The following PCDHA9 variants were observed in gnomAD, a reference collection of about 807,000 sequenced individuals.
PCDHA9 encodes protocadherin alpha-9.
PCDHA9 carries 62 observed loss-of-function variants against 62.0 expected under a neutral mutation model. That is an observed-to-expected ratio of 1.00 (90% CI 0.81 to 1.23). The LOEUF (loss-of-function observed/expected upper bound fraction) is 1.23. PCDHA9 is among the 50% of genes most tolerant of loss of function. The pLI is 0.00. For missense variants in PCDHA9, 1,205 were observed against 1,249.8 expected (o/e 0.96, Z 0.54); for synonymous variants, 557 against 567.6 (o/e 0.98, Z 0.27).
At chr5:140,986,696 C>G (rs2097209947) in intron 3 of PCDHA9, among the ~76,000 whole-genome samples, 2 of 152,130 alleles carry the variant, frequency 1.3e-5, no homozygotes, top group South Asian at 2.1e-4. Context: ...TCAAAACACA[C>G]AGCACTGCAG....
intron 3 of PCDHA9, among the ~76,000 whole-genome samples, chr5:140,997,836 A>G (rs1335199291): frequency 3.3e-5 from 5 of 152,222 alleles, no homozygotes; most frequent in South Asian, 4.1e-4. Flanking sequence ...AAACAATACA[A>G]TATACATTCT....
chr5:140,858,857 T>G (rs1461225886), intron 1 of PCDHA9: 1 of 267,642 alleles, frequency 3.7e-6, no homozygotes, highest in African/African-American at 2.3e-5. Flanking sequence ...CTATATCTCT[T>G]CAGTGAAAAT....
At chr5:140,938,125 A>G (rs1339364898) in intron 1 of PCDHA9, among the ~76,000 whole-genome samples, 1 of 152,120 alleles carries the variant, frequency 6.6e-6, no homozygotes, top group Admixed American at 6.5e-5. Context: ...TTTTTTAAAA[A>G]AATAGAGATA....
Position 140,849,508 on chromosome 5 carries a change from T to C in PCDHA9, c.1013T>C (p.Val338Ala). Residue 338 changes from valine (V) to alanine (A), a missense_variant, in exon 1 of 4, where the codon GTG becomes GCG. Around this residue, in one of 3 missense-constraint regions of PCDHA9, gnomAD observed 110 missense variants for 227.2 expected, o/e 0.48. Coordinates refer to ENST00000532602, the MANE Select transcript of PCDHA9 (RefSeq NM_031857.2). ...CTGGCTGGTCATTGTACACTTCTTG[T>C]GGAAGTTGTGGATGTAAATGACAAT... Reference protein sequence around the residue: ...PPLAGHCTLLVEVVDVNDNAP... With the variant: ...PPLAGHCTLLAEVVDVNDNAP... 6.3e-7 allele frequency: 1 copy of C among 1,596,440 alleles called. No individual in the cohort carries two copies. Among genetic ancestry groups the C allele is most frequent in the South Asian group, 1.1e-5 (1 of 90,430 alleles).
rs188500854 is a variant in PCDHA9 at position 140,955,348 on chromosome 5, G to C, written c.2395-23601G>C. ...GTAGTTCCCATAATCCCCACATGTT[G>C]TGAGAGGGACCCAGTGGGAGGTAAT... On this transcript the variant is annotated intron_variant, in intron 1 of 3. Coordinates refer to ENST00000532602, the MANE Select transcript of PCDHA9 (RefSeq NM_031857.2). Among the ~76,000 whole-genome samples the C allele has an allele frequency of 1.6e-4, 24 of 152,204 alleles. No individual in the cohort carries two copies. The East Asian group carries it at 2.7e-3, about 17-fold the overall frequency.
chr5:140,943,129 G>T (rs2093422146), intron 1 of PCDHA9, among the ~76,000 whole-genome samples: 1 of 151,684 alleles, frequency 6.6e-6, no homozygotes, highest in South Asian at 2.1e-4. Flanking sequence ...GTGGTAGTGG[G>T]TGCCTGTAGT....
chr5:140,857,295 G>A, intron 1 of PCDHA9: 1 of 1,598,726 alleles, frequency 6.3e-7, no homozygotes, highest in Non-Finnish European at 8.6e-7. Flanking sequence ...GACCGCGAGA[G>A]GGTGTCGGCC....
At chr5:140,862,433 G>T (rs781821294) in intron 1 of PCDHA9, 1 of 354,884 alleles carries the variant, frequency 2.8e-6, no homozygotes, top group Non-Finnish European at 5.6e-6. Flanking sequence ...GAAACTATTC[G>T]TTGGTACTCC....
intron 3 of PCDHA9, among the ~76,000 whole-genome samples, chr5:140,985,438 C>T (rs1438547429): frequency 2.0e-5 from 3 of 152,038 alleles, no homozygotes; most frequent in Non-Finnish European, 2.9e-5. Flanking sequence ...TTAGTTGCTG[C>T]CTGAAGAAAA....
intron 2 of PCDHA9, among the ~76,000 whole-genome samples, chr5:140,982,032 C>G (rs1554243678): frequency 1.3e-5 from 2 of 152,162 alleles, no homozygotes; most frequent in Non-Finnish European, 2.9e-5. Flanking sequence ...GAACAATACT[C>G]CAATTATCAG....
intron 1 of PCDHA9, chr5:140,878,055 C>T: frequency 2.2e-6 from 1 of 449,762 alleles, no homozygotes; most frequent in Non-Finnish European, 3.6e-6. Context: ...GAGCACCACA[C>T]TTAATATTTT....
intron 1 of PCDHA9, among the ~76,000 whole-genome samples, chr5:140,916,821 C>T (rs2077744344): frequency 6.6e-6 from 1 of 152,170 alleles, no homozygotes; most frequent in African/African-American, 2.4e-5. Flanking sequence ...TGTGCCACCC[C>T]TATCCCTCTG....
chr5:140,993,546 G>A (rs1013720873), intron 3 of PCDHA9, among the ~76,000 whole-genome samples: 4 of 151,434 alleles, frequency 2.6e-5, no homozygotes, highest in Non-Finnish European at 5.9e-5. Context: ...AGATAGAGAA[G>A]TGAAGTATAT....
At chr5:140,973,768 A>G (rs1408539146) in intron 1 of PCDHA9, among the ~76,000 whole-genome samples, 3 of 152,258 alleles carry the variant, frequency 2.0e-5, no homozygotes, top group African/African-American at 7.2e-5. Flanking sequence ...ACAGCCTGGC[A>G]TATTATAGGT....
chr5:140,989,575 G>A (rs2097349164), intron 3 of PCDHA9, among the ~76,000 whole-genome samples: 3 of 152,210 alleles, frequency 2.0e-5, no homozygotes. Flanking sequence ...GGCAAGCCCT[G>A]TCCTCAGCCT....
In PCDHA9 at chr5:140,981,033, G is replaced by GA. The variant is rs148859655; in HGVS notation, c.2454-1434dup. ...CACTTGAAGGCTGTTAATATTTGGG[G>GA]AAAAAAAACAGATAATTCTAGAGTG... On this transcript the variant is annotated intron_variant, in intron 2 of 3. Transcript: ENST00000532602. 8.2e-3 allele frequency among the ~76,000 whole-genome samples: 1,241 copies of GA among 151,610 alleles called. 19 individuals are homozygous for GA. Among genetic ancestry groups the GA allele is most frequent in the African/African-American group, 0.027 (1,115 of 41,338 alleles).
chr5:140,906,661 A>C (rs1237437986), intron 1 of PCDHA9, among the ~76,000 whole-genome samples: 1 of 152,176 alleles, frequency 6.6e-6, no homozygotes, highest in African/African-American at 2.4e-5. Flanking sequence ...TTCCTGGTGT[A>C]GTGACCCAAA....
intron 1 of PCDHA9, among the ~76,000 whole-genome samples, chr5:140,889,977 C>A (rs2062447126): frequency 6.6e-6 from 1 of 152,102 alleles, no homozygotes; most frequent in African/African-American, 2.4e-5. Flanking sequence ...ATCCAGTCTC[C>A]AGTTGTCTTA....
chr5:140,857,990 G>C lies in PCDHA9; in HGVS notation c.2394+7101G>C, dbSNP rs570220982. ...TGACTCGCCACGCCAGCGCCTACTG[G>C]TGCTGGTGAAGGACCATGGCGAGCC... On this transcript the variant is annotated intron_variant, in intron 1 of 3. Transcript: ENST00000532602. 3.7e-5 allele frequency: 59 copies of C among 1,597,202 alleles called. 9 individuals are homozygous for C. In the South Asian group the frequency reaches 5.7e-4, roughly 16 times the overall value.
Sources: gnomAD v4.1 joint callset for allele counts (sites outside exome capture counted in the v4.1 genomes callset) on GRCh38, gnomAD v4.1.1 for gene constraint, gnomAD v4.1.1 regional missense constraint, MANE v1.5 for transcripts, NCBI Gene and HGNC (gene_info 2026-07-23, HGNC 2026-07-21) for gene names.